IL1R1: variants seen among roughly 807,000 people sequenced by gnomAD.
IL1R1 encodes the protein interleukin-1 receptor type 1.
In IL1R1, 22 loss-of-function variants were observed where a neutral mutation model predicts 50.2. The observed-to-expected ratio is 0.44, with a 90% CI of 0.31 to 0.63. IL1R1 has a LOEUF of 0.63. IL1R1 is among the 20% of genes least tolerant of loss of function. IL1R1 has a pLI of 0.07. For synonymous variants in IL1R1, 251 were observed against 236.7 expected (o/e 1.06, Z -0.55); for missense variants, 509 against 676.2 (o/e 0.75, Z 2.74).
chr2:102,119,668 C>T (rs559900065), intron 1 of IL1R1, among the ~76,000 whole-genome samples: 1 of 152,236 alleles, frequency 6.6e-6, no homozygotes, highest in East Asian at 1.9e-4. Flanking sequence ...TATTGAGGTA[C>T]AACTGACAAA....
chr2:102,175,512 G>C lies in IL1R1; in HGVS notation c.1170G>C (p.Leu390=). 6.2e-7 allele frequency: 1 copy of C among 1,613,632 alleles called. No homozygotes were observed. Among genetic ancestry groups the C allele is most frequent in the East Asian group, 2.2e-5 (1 of 44,848 alleles). The part of the protein sequence containing the change: ...SDGKTYDAYI[L]YPKTVGEGST... The stretch of plus-strand genomic sequence containing the variant: ...GAAAGACCTATGACGCATATATACT[G>C]TATCCAAAGACTGTTGGGGAAGGGT... Residue 390 remains leucine (L), a synonymous_variant, in exon 11 of 12, where the codon CTG becomes CTC. Transcript: ENST00000410023.
chr2:102,104,715 C>T (rs1680306544), exon 1 of IL1R1: 1 of 152,192 alleles, frequency 6.6e-6, no homozygotes, highest in Non-Finnish European at 1.5e-5. Context: ...ACAACTCTAG[C>T]TAGGGCTGAC....
intron 1 of IL1R1, among the ~76,000 whole-genome samples, chr2:102,123,086 T>C (rs748046150): frequency 7.9e-5 from 12 of 152,218 alleles, no homozygotes; most frequent in African/African-American, 2.7e-4. Context: ...CTGAAATACA[T>C]AGAAATCATG....
At chr2:102,071,967 T>TTATTTTACACATTATTGTAAAATAATG (rs1678740022) in intron 1 of IL1R1, among the ~76,000 whole-genome samples, 1 of 152,114 alleles carries the variant, frequency 6.6e-6, no homozygotes, top group South Asian at 2.1e-4. Flanking sequence ...TGTAAAATCA[T>TTATTTTACACATTATTGTAAAATAATG]TGTACTTGGC....
At chr2:102,093,675 T>G (rs55964603) in intron 1 of IL1R1, among the ~76,000 whole-genome samples, 111 of 152,366 alleles carry the variant, frequency 7.3e-4, no homozygotes, top group African/African-American at 2.5e-3. Flanking sequence ...TTCTTGCCCA[T>G]TTTTCAATTG....
At chr2:102,072,789 C>G (rs1678788513) in intron 1 of IL1R1, among the ~76,000 whole-genome samples, 1 of 151,860 alleles carries the variant, frequency 6.6e-6, no homozygotes, top group South Asian at 2.1e-4. Flanking sequence ...GTTGTCTTTT[C>G]TATGCAAAAG....
At position 102,133,539 on chromosome 2, in the gene IL1R1, A is replaced by C. The variant is rs1323531329; in HGVS notation, c.-83-20402A>C. On this transcript the variant is annotated intron_variant, in intron 1 of 10. Transcript: ENST00000409329. ...ATAGTAGTAAATCAAATCCAACAGT[A>C]TATAAAAAAGCTAATGCATCGTGAC... is the stretch of plus-strand genomic sequence containing the variant. Among the ~76,000 whole-genome samples, 3 of 152,224 alleles carry C rather than the reference A, an allele frequency of 2.0e-5. No homozygotes were observed. The East Asian group carries it at 5.8e-4, about 29-fold the overall frequency.
At chr2:102,104,216 C>T (rs1316378767), upstream of IL1R1, among the ~76,000 whole-genome samples, 1 of 152,022 alleles carries the variant, frequency 6.6e-6, no homozygotes, top group East Asian at 1.9e-4. Context: ...ATCTGGGACA[C>T]GAGCAGACCT....
At chr2:102,168,752 A>G (rs1271597138) in intron 7 of IL1R1, 89 bp downstream of exon 7, 1 of 897,040 alleles carries the variant, frequency 1.1e-6, no homozygotes, top group Admixed American at 2.3e-5. Flanking sequence ...ACTATATATA[A>G]TCTAAGCCAT....
At chr2:102,134,745 T>A (rs2104423886) in intron 1 of IL1R1, among the ~76,000 whole-genome samples, 1 of 152,318 alleles carries the variant, frequency 6.6e-6, no homozygotes, top group Admixed American at 6.5e-5. Flanking sequence ...TCAATCACCA[T>A]GTTCTTCCTG....
In IL1R1 at chr2:102,164,853, C is replaced by T. The variant is rs137958518; in HGVS notation, c.141C>T (p.Asn47=). 7.0e-5 allele frequency: 113 copies of T among 1,614,008 alleles called. No individual in the cohort carries two copies. In the African/African-American group the frequency reaches 1.3e-3, roughly 18 times the overall value. Residue 47 remains asparagine (N), a synonymous_variant, in exon 4 of 12, where the codon AAC becomes AAT. Transcript: ENST00000410023. Reference sequence around the variant, plus strand: ...TTGATGTTCGTCCCTGTCCTCTTAACCCAAATGAACACAAAGGCACTATAA... The same window carrying T: ...TTGATGTTCGTCCCTGTCCTCTTAATCCAAATGAACACAAAGGCACTATAA... ...NEIDVRPCPL[N]PNEHKGTITW...
chr2:102,081,719 A>G (rs1679216240), intron 1 of IL1R1, among the ~76,000 whole-genome samples: 1 of 152,340 alleles, frequency 6.6e-6, no homozygotes, highest in African/African-American at 2.4e-5. Context: ...TATCAGAGAA[A>G]CACATGTGTT....
At chr2:102,109,010 A>G (rs1219207438) in intron 1 of IL1R1, among the ~76,000 whole-genome samples, 1 of 151,490 alleles carries the variant, frequency 6.6e-6, no homozygotes, top group Non-Finnish European at 1.5e-5. Context: ...GTAATACAGC[A>G]CTTGCTAGGT....
At chr2:102,134,087 A>T (rs1216389791) in intron 1 of IL1R1, among the ~76,000 whole-genome samples, 1 of 152,238 alleles carries the variant, frequency 6.6e-6, no homozygotes, top group Non-Finnish European at 1.5e-5. Context: ...GTATACTAGC[A>T]ATGAGCATTC....
intron 1 of IL1R1, among the ~76,000 whole-genome samples, chr2:102,106,956 T>C (rs1422487770): frequency 6.6e-6 from 1 of 152,112 alleles, no homozygotes; most frequent in Non-Finnish European, 1.5e-5. Flanking sequence ...AACCTTTGCA[T>C]CTCCTTGATG....
intron 7 of IL1R1, 86 bp from the exon 8 acceptor site, chr2:102,171,714 TA>T: frequency 8.7e-6 from 6 of 690,554 alleles, no homozygotes; most frequent in Non-Finnish European, 1.1e-5. Flanking sequence ...TTTCTATATC[TA>T]AAATTTTAAT....
chr2:102,115,400 T>A lies in IL1R1; in HGVS notation c.-84+10528T>A, dbSNP rs574917873. ...CCTAGTAAGTGTGCTTTCAGTTTTT[T>A]AAGGCACTGTGGATATAAGTTGTGT... is the stretch of plus-strand genomic sequence containing the variant. On this transcript the variant is annotated intron_variant, in intron 1 of 10. Transcript: ENST00000409329. 7.2e-5 allele frequency among the ~76,000 whole-genome samples: 11 copies of A among 152,366 alleles called. No individual in the cohort carries two copies. The South Asian group carries it at 2.3e-3, about 32-fold the overall frequency.
At chr2:102,072,245 G>A (rs1387729656) in intron 1 of IL1R1, among the ~76,000 whole-genome samples, 4 of 148,008 alleles carry the variant, frequency 2.7e-5, no homozygotes, top group Non-Finnish European at 4.4e-5. Flanking sequence ...GGGTGACAGA[G>A]CAAGACTCTG....
chr2:102,127,343 A>T (rs941081491), intron 1 of IL1R1, among the ~76,000 whole-genome samples: 10 of 152,216 alleles, frequency 6.6e-5, no homozygotes, highest in Admixed American at 5.2e-4. Context: ...AAGAGAAAAT[A>T]TTATTAAATG....
Sources: gnomAD v4.1 joint callset for allele counts (sites outside exome capture counted in the v4.1 genomes callset) on GRCh38, gnomAD v4.1.1 for gene constraint, MANE v1.5 for transcripts, NCBI Gene and HGNC (gene_info 2026-07-23, HGNC 2026-07-21) for gene names.